The following TXK variants were observed in gnomAD, a reference collection of about 807,000 sequenced individuals.
TXK encodes TXK tyrosine kinase.
A neutral mutation model predicts 81.0 loss-of-function variants in TXK; 60 were observed. The observed-to-expected ratio is 0.74, with a 90% CI of 0.60 to 0.92. The LOEUF is 0.92. Ranked by LOEUF, TXK falls within the 40% of genes least tolerant of loss-of-function variation. The pLI is 0.00. For synonymous variants in TXK, 203 were observed against 210.7 expected, an observed-to-expected ratio of 0.96 and a Z score of 0.32; for missense variants, 581 against 638.3, an observed-to-expected ratio of 0.91 and a Z score of 0.97.
In TXK at chr4:48,080,038, G is replaced by A; in HGVS notation, c.1047C>T (p.Gly349=). ...TCTCCCTGAGATAGTTAAGCAGGCA[G>A]CCATTTTCCATGAACTCTGTCACAA... is the stretch of plus-strand genomic sequence containing the variant. ...LYIVTEFMEN[G]CLLNYLRENK... Residue 349 remains glycine, a synonymous_variant, in exon 11 of 15, where the codon GGC becomes GGT. Coordinates refer to ENST00000264316, the MANE Select transcript of TXK (RefSeq NM_003328.3). 1 of 1,614,022 alleles carries A rather than the reference G, an allele frequency of 6.2e-7. No homozygotes were observed. Among genetic ancestry groups the A allele is most frequent in the Non-Finnish European group, 8.5e-7 (1 of 1,179,966 alleles).
chr4:48,068,500 C>T (rs1488381620), intron 14 of TXK, among the ~76,000 whole-genome samples: 1 of 152,210 alleles, frequency 6.6e-6, no homozygotes, highest in Non-Finnish European at 1.5e-5. Context: ...CCCTCTCACA[C>T]ATAGAAAAAT....
At chr4:48,097,292 T>C (rs536435133) in intron 6 of TXK, among the ~76,000 whole-genome samples, 3 of 152,182 alleles carry the variant, frequency 2.0e-5, no homozygotes, top group South Asian at 2.1e-4. Context: ...TACAATAAAT[T>C]TGGAAACTCG....
intron 1 of TXK, among the ~76,000 whole-genome samples, chr4:48,118,236 A>G (rs10003132): frequency 1.3e-3 from 197 of 152,318 alleles, no homozygotes; most frequent in African/African-American, 4.5e-3. Flanking sequence ...CTACCTCTGA[A>G]TGAGGCTATA....
chr4:48,085,993 C>A (rs999767492), intron 10 of TXK, among the ~76,000 whole-genome samples: 4 of 152,214 alleles, frequency 2.6e-5, no homozygotes, highest in Non-Finnish European at 5.9e-5. Flanking sequence ...AGGTGGTTAA[C>A]ACTTAGCCAT....
At chr4:48,130,192 T>C (rs1719215221) in intron 1 of TXK, among the ~76,000 whole-genome samples, 1 of 152,250 alleles carries the variant, frequency 6.6e-6, no homozygotes, top group African/African-American at 2.4e-5. Flanking sequence ...AGTTCTTTTT[T>C]AATCTGCGGC....
chr4:48,081,791 T>A (rs1490830708), intron 10 of TXK, among the ~76,000 whole-genome samples: 1 of 152,162 alleles, frequency 6.6e-6, no homozygotes, highest in Non-Finnish European at 1.5e-5. Context: ...AAATCCAACA[T>A]GTCCAAAGCA....
At chr4:48,088,959 G>A (rs1226797737) in intron 9 of TXK, among the ~76,000 whole-genome samples, 1 of 152,098 alleles carries the variant, frequency 6.6e-6, no homozygotes, top group Non-Finnish European at 1.5e-5. Flanking sequence ...AGGATTCCCT[G>A]GCACTTACGT....
intron 10 of TXK, 125 bp downstream of exon 10, chr4:48,086,341 G>T: frequency 1.1e-6 from 1 of 904,020 alleles, no homozygotes. Context: ...TAATGTGCCT[G>T]GGTTACACAA....
Position 48,112,309 on chromosome 4 carries a change from C to T in TXK, c.378G>A (p.Leu126=). Residue 126 remains leucine (L), a splice_region_variant and synonymous_variant, in exon 4 of 15, where the codon TTG becomes TTA. Transcript: ENST00000264316. ...NPHWWKARDR[L]GNEGLIPSNY... is the part of the protein sequence containing the mutation. ...ACTAAGTCATGTAAGTGTCTTACCC[C>T]AAACGGTCTCTTGCCTTCCACCAGT... The T allele has an allele frequency of 1.9e-6, 3 of 1,614,052 alleles. No individual in the cohort carries two copies. Among genetic ancestry groups the T allele is most frequent in the Non-Finnish European group, 2.5e-6 (3 of 1,179,918 alleles).
In TXK at chr4:48,079,993, C is replaced by T. The variant is rs554836759; in HGVS notation, c.1092G>A (p.Lys364=). ...CCTGGCATACACTCAGTAGCATTTC[C>T]TTCCTAAGCTTTCCTTTATTCTCCC... The part of the protein sequence containing the change: ...YLRENKGKLR[K]EMLLSVCQDI... The change falls in exon 11 of 15, where the codon AAG becomes AAA. Residue 364 remains lysine, a synonymous_variant. Transcript: ENST00000264316. The T allele has an allele frequency of 3.7e-6, 6 of 1,614,038 alleles. No homozygotes were observed. The highest frequency in any genetic ancestry group is 1.3e-5 in the African/African-American group (1 of 75,006).
At chr4:48,085,202 C>T (rs1717472749) in intron 10 of TXK, among the ~76,000 whole-genome samples, 1 of 152,058 alleles carries the variant, frequency 6.6e-6, no homozygotes, top group Non-Finnish European at 1.5e-5. Flanking sequence ...AAATGCTGTC[C>T]CGGGAAATCA....
chr4:48,080,156 G>A (rs1717242046), intron 10 of TXK, 28 bp from the exon 11 acceptor site: 1 of 1,534,604 alleles, frequency 6.5e-7, no homozygotes. Flanking sequence ...ACACCAGTGA[G>A]CAGAATTGTG....
intron 6 of TXK, among the ~76,000 whole-genome samples, chr4:48,102,538 G>C (rs538949635): frequency 1.3e-5 from 2 of 152,176 alleles, no homozygotes; most frequent in Non-Finnish European, 2.9e-5. Context: ...TTCACCACAA[G>C]AGCGTAAATT....
chr4:48,072,624 T>C (rs2109396702), intron 13 of TXK, among the ~76,000 whole-genome samples: 1 of 152,350 alleles, frequency 6.6e-6, no homozygotes, highest in South Asian at 2.1e-4. Flanking sequence ...TTACTAGACA[T>C]TGATGAGAGG....
intron 1 of TXK, among the ~76,000 whole-genome samples, chr4:48,126,175 T>C (rs72624172): frequency 1.1e-5 from 1 of 88,568 alleles, no homozygotes; most frequent in African/African-American, 3.6e-5. Flanking sequence ...CTGTCACCCC[T>C]GAGACAGAAA....
intron 1 of TXK, among the ~76,000 whole-genome samples, chr4:48,118,744 T>C (rs1373943194): frequency 2.6e-5 from 4 of 152,148 alleles, no homozygotes; most frequent in Non-Finnish European, 4.4e-5. Context: ...GCAGTACCAA[T>C]GACAATTTGA....
At chr4:48,079,601 G>A (rs1048361353) in intron 11 of TXK, among the ~76,000 whole-genome samples, 1 of 152,172 alleles carries the variant, frequency 6.6e-6, no homozygotes, top group African/African-American at 2.4e-5. Context: ...AGACTGATAT[G>A]AGTAATAATA....
At chr4:48,098,432 T>C (rs1718067261) in intron 6 of TXK, among the ~76,000 whole-genome samples, 1 of 152,224 alleles carries the variant, frequency 6.6e-6, no homozygotes, top group Admixed American at 6.5e-5. Context: ...TGTGTTTTTT[T>C]CTATTAAAAC....
At chr4:48,076,553 C>G in intron 11 of TXK, 87 bp from the exon 12 acceptor site, 1 of 1,024,758 alleles carries the variant, frequency 9.8e-7, no homozygotes, top group Non-Finnish European at 1.5e-6. Context: ...TTATTTGGAC[C>G]CCACACTACC....
Sources: gnomAD v4.1 joint callset for allele counts (sites outside exome capture counted in the v4.1 genomes callset) on GRCh38, gnomAD v4.1.1 for gene constraint, MANE v1.5 for transcripts, NCBI Gene and HGNC (gene_info 2026-07-23, HGNC 2026-07-21) for gene names.